Variants in FNIP1 observed in about 807,000 individuals in gnomAD.
The protein encoded by FNIP1 is folliculin interacting protein 1.
Under a neutral mutation model 124.5 loss-of-function variants are expected in FNIP1, and 40 were observed. The ratio of observed to expected loss-of-function variants is 0.32; its 90% CI spans 0.25 to 0.42. The LOEUF (loss-of-function observed/expected upper bound fraction) is 0.42, where lower values mean the gene tolerates loss of function less well. FNIP1 is among the 10% of genes least tolerant of loss of function. The pLI is 1.00. For missense variants in FNIP1, 1,176 were observed against 1,403.7 expected (o/e 0.84, Z 2.59); for synonymous variants, 472 against 470.6 (o/e 1.00, Z -0.04).
intron 15 of FNIP1, 134 bp from the exon 16 acceptor site, chr5:131,652,133 C>T: frequency 2.7e-6 from 2 of 727,812 alleles, no homozygotes; most frequent in Non-Finnish European, 4.4e-6. Context: ...ATCTCCTTGA[C>T]CAAGAAGAAT....
At chr5:131,759,760 ATTG>A (rs1771163863) in intron 1 of FNIP1, among the ~76,000 whole-genome samples, 1 of 152,186 alleles carries the variant, frequency 6.6e-6, no homozygotes. Context: ...AGGAAAATAA[ATTG>A]TTGTACAAAA....
intron 2 of FNIP1, among the ~76,000 whole-genome samples, chr5:131,742,347 C>T (rs1561684818): frequency 1.3e-5 from 2 of 152,094 alleles, no homozygotes; most frequent in Non-Finnish European, 2.9e-5. Flanking sequence ...ACCTGTAATC[C>T]CAGCTACTCG....
chr5:131,710,555 T>G (rs1275142739), intron 7 of FNIP1, 23 bp downstream of exon 7: 1 of 1,609,782 alleles, frequency 6.2e-7, no homozygotes, highest in Non-Finnish European at 8.5e-7. Flanking sequence ...CCAACTAGTC[T>G]ACCCACACAG....
intron 16 of FNIP1, among the ~76,000 whole-genome samples, chr5:131,649,674 TA>T (rs1766989633): frequency 6.6e-6 from 1 of 152,200 alleles, no homozygotes; most frequent in African/African-American, 2.4e-5. Flanking sequence ...TCTATTTTTT[TA>T]CTTTTGTTAC....
intron 15 of FNIP1, among the ~76,000 whole-genome samples, chr5:131,653,973 C>A (rs754376953): frequency 1.3e-5 from 2 of 152,228 alleles, no homozygotes; most frequent in Non-Finnish European, 2.9e-5. Flanking sequence ...AACTCCTGAC[C>A]TCGCAATCCA....
chr5:131,701,854 C>G (rs1010144277), intron 10 of FNIP1, among the ~76,000 whole-genome samples: 1 of 152,164 alleles, frequency 6.6e-6, no homozygotes, highest in African/African-American at 2.4e-5. Context: ...GTCAGAACTC[C>G]CTGGCAAGCA....
At chr5:131,711,087 G>A (rs978241398) in intron 6 of FNIP1, among the ~76,000 whole-genome samples, 6 of 152,112 alleles carry the variant, frequency 3.9e-5, no homozygotes, top group African/African-American at 1.4e-4. Flanking sequence ...CAACTGCAGC[G>A]AGGAGAAAAC....
At chr5:131,697,046 T>C (rs1409957464) in intron 11 of FNIP1, among the ~76,000 whole-genome samples, 3 of 152,174 alleles carry the variant, frequency 2.0e-5, no homozygotes, top group African/African-American at 7.2e-5. Flanking sequence ...TTTATATATA[T>C]GTATGGCATG....
intron 1 of FNIP1, among the ~76,000 whole-genome samples, chr5:131,746,797 T>C (rs955093548): frequency 1.5e-4 from 23 of 152,226 alleles, no homozygotes; most frequent in Non-Finnish European, 1.5e-4. Flanking sequence ...TACTCAGTAA[T>C]GTGATCGCTG....
chr5:131,734,124 T>C (rs1209344874), intron 2 of FNIP1, among the ~76,000 whole-genome samples: 1 of 152,204 alleles, frequency 6.6e-6, no homozygotes, highest in Non-Finnish European at 1.5e-5. Context: ...CGTAGAGGTG[T>C]TTATAGTATG....
At chr5:131,658,469 G>T (rs1418845630) in intron 15 of FNIP1, among the ~76,000 whole-genome samples, 1 of 151,986 alleles carries the variant, frequency 6.6e-6, no homozygotes, top group Admixed American at 6.6e-5. Context: ...TATTCAACTG[G>T]TCTCAAGTCA....
At chr5:131,742,919 T>C (rs1317602636) in intron 2 of FNIP1, among the ~76,000 whole-genome samples, 3 of 152,204 alleles carry the variant, frequency 2.0e-5, no homozygotes, top group Non-Finnish European at 4.4e-5. Flanking sequence ...GTAATTACAA[T>C]CGATCAAAAT....
At position 131,644,406 on chromosome 5, in the gene FNIP1, T is replaced by C. The variant is rs1203702418; in HGVS notation, c.*279A>G. 3 of 265,098 alleles carry C rather than the reference T, an allele frequency of 1.1e-5. No individual in the cohort carries two copies. Among genetic ancestry groups the C allele is most frequent in the Non-Finnish European group, 2.2e-5 (3 of 138,412 alleles). 16.4% of individuals were successfully genotyped at this position (265,098 alleles called of 1,614,324 possible). ...GAAACTCTTGATAATATTCATTTTGTAGAAATTTCTACCGTACACTTTGGC... is the reference window on the plus strand; with the variant it reads ...GAAACTCTTGATAATATTCATTTTGCAGAAATTTCTACCGTACACTTTGGC... On this transcript the variant is annotated 3_prime_UTR_variant, in exon 18 of 18. Transcript: ENST00000510461.
intron 1 of FNIP1, among the ~76,000 whole-genome samples, chr5:131,787,350 C>A (rs182750268): frequency 6.6e-6 from 1 of 152,242 alleles, no homozygotes; most frequent in Non-Finnish European, 1.5e-5. Flanking sequence ...GAGGACTCAG[C>A]AATTAAGTGT....
At chr5:131,693,179 T>C (rs971700605) in intron 11 of FNIP1, among the ~76,000 whole-genome samples, 22 of 149,068 alleles carry the variant, frequency 1.5e-4, no homozygotes, top group Non-Finnish European at 2.8e-4. Context: ...TTAAATAGCT[T>C]GATTTAGCCA....
chr5:131,793,465 G>T (rs922137577), intron 1 of FNIP1, among the ~76,000 whole-genome samples: 1 of 152,044 alleles, frequency 6.6e-6, no homozygotes, highest in African/African-American at 2.4e-5. Context: ...TCTTGAAATG[G>T]AGAAAACAAA....
intron 11 of FNIP1, among the ~76,000 whole-genome samples, chr5:131,694,593 G>A (rs1231335016): frequency 6.6e-6 from 1 of 152,174 alleles, no homozygotes; most frequent in Non-Finnish European, 1.5e-5. Context: ...CCAGCAGTTA[G>A]TGGGTAGGGA....
chr5:131,671,680 C>A lies in FNIP1; in HGVS notation c.2764G>T (p.Asp922Tyr). The A allele has an allele frequency of 6.2e-7, 1 of 1,614,152 alleles. No individual in the cohort carries two copies. Among genetic ancestry groups the A allele is most frequent in the Admixed American group, 1.7e-5 (1 of 60,022 alleles). The change falls in exon 14 of 18, where the codon GAT (aspartate) becomes TAT (tyrosine). Residue 922 changes from aspartate to tyrosine, a missense_variant. Transcript: ENST00000510461. ...TCAGTTCCTACAGCAATTTTTTTAT[C>A]TGAACTCTCTTTATCCCCATGGGGG... ...LVPHGDKESS[D>Y]KKIAVGTEWD... is the part of the protein sequence containing the mutation.
intron 1 of FNIP1, among the ~76,000 whole-genome samples, chr5:131,759,541 A>G (rs886150344): frequency 6.6e-5 from 10 of 152,188 alleles, no homozygotes; most frequent in Non-Finnish European, 1.2e-4. Flanking sequence ...CAAAACCACA[A>G]TGAGATACCA....
Sources: gnomAD v4.1 joint callset for allele counts (sites outside exome capture counted in the v4.1 genomes callset) on GRCh38, gnomAD v4.1.1 for gene constraint, MANE v1.5 for transcripts, NCBI Gene and HGNC (gene_info 2026-07-23, HGNC 2026-07-21) for gene names.